Variants in DLEU7 observed in about 807,000 individuals in gnomAD.
The protein encoded by DLEU7 is deleted in lymphocytic leukemia 7.
In DLEU7, 17 loss-of-function variants were observed where a neutral mutation model predicts 16.0. That is an observed-to-expected ratio of 1.06 (90% CI 0.73 to 1.59). The LOEUF (loss-of-function observed/expected upper bound fraction) is 1.59, where lower values mean the gene tolerates loss of function less well. DLEU7 is among the 40% of genes most tolerant of loss of function. DLEU7 has a pLI of 0.00. For missense variants in DLEU7, 308 were observed against 314.9 expected (o/e 0.98, Z 0.17); for synonymous variants, 113 against 139.8 (o/e 0.81, Z 1.35).
At chr13:50,721,263 C>T (rs921956817) in intron 1 of DLEU7, among the ~76,000 whole-genome samples, 3 of 152,168 alleles carry the variant, frequency 2.0e-5, no homozygotes, top group Admixed American at 6.5e-5. Context: ...CTCGGGCCTT[C>T]GGCCACAGAC....
chr13:50,810,769 C>CA (rs1876542542), intron 1 of DLEU7, among the ~76,000 whole-genome samples: 1 of 152,146 alleles, frequency 6.6e-6, no homozygotes. Flanking sequence ...GGGAGGAATT[C>CA]AACTGTTGTG....
rs1054986120 is a variant in DLEU7 at position 50,713,078 on chromosome 13, C to T, written c.*139G>A. 66 of 931,522 alleles carry T rather than the reference C, an allele frequency of 7.1e-5. No homozygotes were observed. The African/African-American group carries it at 8.4e-4, about 12-fold the overall frequency. 57.7% of individuals were successfully genotyped at this position (931,522 alleles called of 1,614,324 possible). On this transcript the variant is annotated 3_prime_UTR_variant, in exon 2 of 2. Transcript: ENST00000400393. ...GAGACCATGCAATTGGAGACCAATA[C>T]GAAGGCAATGGAGGCCAACAACGTG...
At chr13:50,839,970 A>G (rs1452988427) in intron 1 of DLEU7, 2 of 152,206 alleles carry the variant, frequency 1.3e-5, no homozygotes, top group African/African-American at 4.8e-5. Flanking sequence ...GAAGTGGAAG[A>G]GTAGGTTTGA....
chr13:50,790,653 A>C (rs1451243051), intron 1 of DLEU7, among the ~76,000 whole-genome samples: 1 of 151,762 alleles, frequency 6.6e-6, no homozygotes, highest in Non-Finnish European at 1.5e-5. Context: ...GTGGGATGCG[A>C]GGGGTGTGGG....
intron 1 of DLEU7, among the ~76,000 whole-genome samples, chr13:50,814,671 A>C (rs941428106): frequency 2.5e-5 from 1 of 39,638 alleles, no homozygotes; most frequent in Non-Finnish European, 4.9e-5. Context: ...TATACACTAC[A>C]TAGAACTACA....
Position 50,748,993 on chromosome 13 carries a change from G to A in DLEU7, c.460-35753C>T, listed in dbSNP as rs563096456. Among the ~76,000 whole-genome samples the A allele has an allele frequency of 1.2e-3, 189 of 152,068 alleles. 1 individual carries two copies. Among genetic ancestry groups the A allele is most frequent in the African/African-American group, 4.3e-3 (180 of 41,464 alleles). On this transcript the variant is annotated intron_variant, in intron 1 of 1. Transcript: ENST00000400393. ...TGAGATTTTGGTGCACCCATCACCC[G>A]AGCAGTATACATTGTACCCTATTTG...
chr13:50,724,990 G>A (rs1873728323), intron 1 of DLEU7, among the ~76,000 whole-genome samples: 1 of 152,196 alleles, frequency 6.6e-6, no homozygotes, highest in Non-Finnish European at 1.5e-5. Context: ...TACCGCAGGT[G>A]TTCCAGAAGA....
chr13:50,806,537 G>T (rs1266038056), intron 1 of DLEU7, among the ~76,000 whole-genome samples: 4 of 151,848 alleles, frequency 2.6e-5, no homozygotes, highest in African/African-American at 9.7e-5. Flanking sequence ...ATTTTCTATT[G>T]CCCTAAATTC....
intron 1 of DLEU7, among the ~76,000 whole-genome samples, chr13:50,836,566 C>T (rs1877473049): frequency 6.6e-6 from 1 of 151,444 alleles, no homozygotes; most frequent in South Asian, 2.1e-4. Flanking sequence ...CCCAGCTACT[C>T]GGGAGGCTGA....
intron 1 of DLEU7, among the ~76,000 whole-genome samples, chr13:50,716,909 G>A (rs535644963): frequency 6.6e-6 from 1 of 152,076 alleles, no homozygotes; most frequent in Admixed American, 6.5e-5. Context: ...ATGGGAAGGA[G>A]GCAGACTTAT....
intron 1 of DLEU7, among the ~76,000 whole-genome samples, chr13:50,812,456 A>G (rs1876599819): frequency 6.6e-6 from 1 of 152,124 alleles, no homozygotes; most frequent in African/African-American, 2.4e-5. Context: ...TGTGGTTAAC[A>G]TTTTCAAAGG....
chr13:50,751,712 A>T (rs903199053), intron 1 of DLEU7, among the ~76,000 whole-genome samples: 8 of 152,140 alleles, frequency 5.3e-5, no homozygotes, highest in Non-Finnish European at 1.2e-4. Context: ...TTGCTAGTTT[A>T]TATGCATAAA....
At chr13:50,787,807 C>T (rs532949188) in intron 1 of DLEU7, among the ~76,000 whole-genome samples, 1 of 152,044 alleles carries the variant, frequency 6.6e-6, no homozygotes, top group Non-Finnish European at 1.5e-5. Flanking sequence ...CCCATCTCCC[C>T]GATGGACTCT....
chr13:50,827,904 T>C (rs778552143), intron 1 of DLEU7, among the ~76,000 whole-genome samples: 2 of 152,216 alleles, frequency 1.3e-5, no homozygotes, highest in African/African-American at 2.4e-5. Context: ...AAGAAACACA[T>C]TTAAATCTAA....
chr13:50,813,190 A>G (rs985936809), intron 1 of DLEU7: 1 of 152,138 alleles, frequency 6.6e-6, no homozygotes, highest in Non-Finnish European at 1.5e-5. Context: ...ATATACTTAC[A>G]TTGATCTATG....
At chr13:50,825,753 A>G (rs915255540) in intron 1 of DLEU7, among the ~76,000 whole-genome samples, 2 of 152,176 alleles carry the variant, frequency 1.3e-5, no homozygotes, top group African/African-American at 4.8e-5. Context: ...TCTCTGTTAA[A>G]TCTTCATTCT....
chr13:50,811,637 G>T (rs1876570754), intron 1 of DLEU7, among the ~76,000 whole-genome samples: 1 of 152,098 alleles, frequency 6.6e-6, no homozygotes, highest in Non-Finnish European at 1.5e-5. Flanking sequence ...CAGCCTTCCA[G>T]CACTAGCCAC....
At chr13:50,715,132 C>T (rs901505837) in intron 1 of DLEU7, among the ~76,000 whole-genome samples, 13 of 152,192 alleles carry the variant, frequency 8.5e-5, no homozygotes, top group African/African-American at 3.1e-4. Flanking sequence ...GATTCTTGCA[C>T]AAGGGCACCT....
At chr13:50,762,899 G>A (rs1466902966) in intron 1 of DLEU7, among the ~76,000 whole-genome samples, 1 of 151,864 alleles carries the variant, frequency 6.6e-6, no homozygotes, top group Non-Finnish European at 1.5e-5. Flanking sequence ...GTTGCAGGGA[G>A]AGAAAGAATC....
Sources: gnomAD v4.1 joint callset for allele counts (sites outside exome capture counted in the v4.1 genomes callset) on GRCh38, gnomAD v4.1.1 for gene constraint, MANE v1.5 for transcripts, NCBI Gene and HGNC (gene_info 2026-07-23, HGNC 2026-07-21) for gene names.